EPHA5: variants seen among roughly 807,000 people sequenced by gnomAD.
The protein encoded by EPHA5 is ephrin type-A receptor 5.
EPHA5 carries 60 observed loss-of-function variants against 105.0 expected under a neutral mutation model. That is an observed-to-expected ratio of 0.57 (90% confidence interval 0.46 to 0.71). EPHA5 has a LOEUF of 0.71. Among genes scored for constraint, EPHA5 ranks in the 30% least tolerant of loss-of-function variants. EPHA5 has a pLI of 0.00. For missense variants in EPHA5, 1,218 were observed against 1,274.7 expected (o/e 0.96, Z 0.68); for synonymous variants, 513 against 449.1 (o/e 1.14, Z -1.80).
chr4:65,460,670 C>T (rs1019619076), intron 5 of EPHA5, among the ~76,000 whole-genome samples: 1 of 151,740 alleles, frequency 6.6e-6, no homozygotes, highest in South Asian at 2.1e-4. Flanking sequence ...AAATTAGAGA[C>T]TTCTAAGTGT....
At chr4:65,570,931 G>A (rs545436444) in intron 3 of EPHA5, among the ~76,000 whole-genome samples, 1 of 152,004 alleles carries the variant, frequency 6.6e-6, no homozygotes, top group South Asian at 2.1e-4. Context: ...TGATGTCATG[G>A]GTTCTGGAAA....
At chr4:65,593,186 A>G (rs1742843439) in intron 3 of EPHA5, among the ~76,000 whole-genome samples, 2 of 152,170 alleles carry the variant, frequency 1.3e-5, no homozygotes, top group African/African-American at 2.4e-5. Context: ...AGAAAGAAGT[A>G]TTATTAGTTC....
chr4:65,495,411 T>C lies in EPHA5; in HGVS notation c.1043A>G (p.Asp348Gly), dbSNP rs200932017. Residue 348 changes from aspartate (D) to glycine (G), a missense_variant, in exon 4 of 17, where the codon GAT becomes GGT. Physicochemically the swap from Asp to Gly is moderately conservative, Grantham distance 94. Around this residue, in one of 3 missense-constraint regions of EPHA5, gnomAD observed 971 missense variants for 1,013.5 expected, o/e 0.96. Coordinates refer to ENST00000613740, the MANE Select transcript of EPHA5 (RefSeq NM_001281766.3). ...CEKDYFRRES[D>G]PPTMACTRPP... ...ACTTGTGCATGCCATTGTGGGTGGA[T>C]CAGACTCTCTCCTGAAATAATCCTT... 35 of 1,613,522 alleles carry C rather than the reference T, an allele frequency of 2.2e-5. No homozygotes were observed. Among genetic ancestry groups the C allele is most frequent in the Non-Finnish European group, 2.9e-5 (34 of 1,179,652 alleles).
rs1327306507 is a variant in EPHA5, at chr4:65,574,760, A to G, written c.910+26881T>C. On this transcript the variant is annotated intron_variant, in intron 3 of 16. Coordinates refer to ENST00000613740, the MANE Select transcript of EPHA5 (RefSeq NM_001281766.3). ...TATATATACATATATATATATATAC[A>G]CAGTAATTTTCTCAGAGTATTGAAT... 5.0e-5 allele frequency among the ~76,000 whole-genome samples: 7 copies of G among 141,000 alleles called. No individual in the cohort carries two copies. In the East Asian group the frequency reaches 1.4e-3, roughly 28 times the overall value. The allele number at this position is 141,000 out of a possible 152,430, so 92.5% of individuals were successfully genotyped here.
At chr4:65,373,851 T>C (rs747174296) in intron 8 of EPHA5, among the ~76,000 whole-genome samples, 13 of 151,846 alleles carry the variant, frequency 8.6e-5, no homozygotes, top group East Asian at 1.9e-4. Flanking sequence ...ATGAAGACAC[T>C]GAAAAGCATG....
At chr4:65,347,475 A>G (rs1451183) in intron 14 of EPHA5, among the ~76,000 whole-genome samples, 42,940 of 152,116 alleles carry the variant, frequency 0.28, 7,206 homozygotes, top group East Asian at 0.44. Flanking sequence ...GAATTTGAAC[A>G]GAAGATTCTT....
intron 5 of EPHA5, among the ~76,000 whole-genome samples, chr4:65,451,334 T>G (rs543165371): frequency 2.6e-5 from 4 of 152,298 alleles, no homozygotes; most frequent in Middle Eastern, 3.4e-3. Flanking sequence ...TTAAATTGTT[T>G]TGGATTGAAT....
chr4:65,570,054 TTATATA>T (rs1422719320), intron 3 of EPHA5, among the ~76,000 whole-genome samples: 1 of 151,622 alleles, frequency 6.6e-6, no homozygotes, highest in Non-Finnish European at 1.5e-5. Flanking sequence ...AGGCCCATAA[TTATATA>T]TAATAGATGA....
intron 2 of EPHA5, among the ~76,000 whole-genome samples, chr4:65,636,444 A>C (rs761921837): frequency 1.4e-4 from 22 of 152,074 alleles, no homozygotes; most frequent in Non-Finnish European, 2.6e-4. Context: ...ACGTTGGATG[A>C]CCTGGGATTG....
chr4:65,626,876 T>C (rs1472181084), intron 2 of EPHA5, among the ~76,000 whole-genome samples: 1 of 152,246 alleles, frequency 6.6e-6, no homozygotes, highest in Admixed American at 6.5e-5. Context: ...TTCTCACTTA[T>C]GTAAATTAAA....
chr4:65,563,532 A>T (rs950938513), intron 3 of EPHA5, among the ~76,000 whole-genome samples: 1 of 152,016 alleles, frequency 6.6e-6, no homozygotes, highest in Non-Finnish European at 1.5e-5. Context: ...TGGAGTTAGA[A>T]CTTTAAAAAT....
At chr4:65,446,098 T>G (rs922057536) in intron 5 of EPHA5, among the ~76,000 whole-genome samples, 2 of 152,182 alleles carry the variant, frequency 1.3e-5, no homozygotes, top group African/African-American at 4.8e-5. Flanking sequence ...ATCATGTCAA[T>G]TATCTGCTTC....
intron 5 of EPHA5, among the ~76,000 whole-genome samples, chr4:65,433,917 T>C (rs1725234348): frequency 6.6e-6 from 1 of 151,908 alleles, no homozygotes; most frequent in Non-Finnish European, 1.5e-5. Context: ...CGTGGCAGGC[T>C]CCTGTAATCC....
chr4:65,562,108 C>T (rs1374036355), intron 3 of EPHA5, among the ~76,000 whole-genome samples: 12 of 152,060 alleles, frequency 7.9e-5, no homozygotes, highest in Admixed American at 7.2e-4. Context: ...GATTGAAGGT[C>T]ACTGGCCATC....
chr4:65,574,655 CAT>C (rs1462938958), intron 3 of EPHA5, among the ~76,000 whole-genome samples: 39,512 of 87,394 alleles, frequency 0.45, 10,179 homozygotes, highest in Admixed American at 0.55. Flanking sequence ...TATATATACA[CAT>C]ATATATATAC....
intron 16 of EPHA5, chr4:65,330,914 G>C (rs1236127032): frequency 9.6e-7 from 1 of 1,039,728 alleles, no homozygotes; most frequent in Non-Finnish European, 1.2e-6. Context: ...CGGTATGAAG[G>C]AAGAGAATGC....
chr4:65,429,142 G>T (rs1724736981), intron 5 of EPHA5, among the ~76,000 whole-genome samples: 1 of 151,954 alleles, frequency 6.6e-6, no homozygotes, highest in African/African-American at 2.4e-5. Flanking sequence ...ACAAGAAACA[G>T]AATTCAAATA....
chr4:65,341,294 A>G (rs972580041), intron 14 of EPHA5, among the ~76,000 whole-genome samples: 19 of 152,116 alleles, frequency 1.2e-4, no homozygotes, highest in Non-Finnish European at 2.4e-4. Context: ...AAGGTTTAAG[A>G]AATTGCCCAG....
chr4:65,618,549 G>A (rs955920779), intron 2 of EPHA5, among the ~76,000 whole-genome samples: 1 of 152,080 alleles, frequency 6.6e-6, no homozygotes, highest in East Asian at 1.9e-4. Flanking sequence ...GGATGATCAA[G>A]GTACAAACAC....
Sources: allele counts gnomAD v4.1 joint callset (sites outside exome capture counted in the v4.1 genomes callset), GRCh38; gene constraint gnomAD v4.1.1; regional missense constraint gnomAD v4.1.1; transcripts MANE v1.5; gene names NCBI Gene and HGNC (gene_info 2026-07-23, HGNC 2026-07-21).